The following RBFOX1 variants were observed in gnomAD, a reference collection of about 807,000 sequenced individuals.
RBFOX1 encodes the protein RNA binding protein fox-1 homolog 1.
In RBFOX1, 8 loss-of-function variants were observed where a neutral mutation model predicts 57.7. The ratio of observed to expected loss-of-function variants is 0.14; its 90% CI spans 0.08 to 0.25. The LOEUF (loss-of-function observed/expected upper bound fraction) is 0.25, where lower values mean the gene tolerates loss of function less well. Among genes scored for constraint, RBFOX1 ranks in the 10% least tolerant of loss-of-function variants. The pLI is 1.00. For synonymous variants in RBFOX1, 326 were observed against 222.4 expected (o/e 1.47, Z -4.15); for missense variants, 611 against 548.5 (o/e 1.11, Z -1.14).
At chr16:6,518,185 T>G (rs947940941) in intron 2 of RBFOX1, among the ~76,000 whole-genome samples, 5 of 152,242 alleles carry the variant, frequency 3.3e-5, no homozygotes, top group African/African-American at 1.2e-4. Context: ...TGTGGTTTGT[T>G]AAATAAACTT....
intron 4 of RBFOX1, among the ~76,000 whole-genome samples, chr16:7,324,739 A>G (rs1475466192): frequency 6.6e-6 from 1 of 152,054 alleles, no homozygotes; most frequent in East Asian, 1.9e-4. Context: ...CCTCACTTAC[A>G]AAACCTACTG....
At chr16:5,967,863 G>A (rs1320712447) in intron 4 of RBFOX1, among the ~76,000 whole-genome samples, 1 of 152,090 alleles carries the variant, frequency 6.6e-6, no homozygotes, top group Non-Finnish European at 1.5e-5. Context: ...TTTTGCTTTG[G>A]GGACTGGCTG....
intron 4 of RBFOX1, among the ~76,000 whole-genome samples, chr16:7,446,355 G>C (rs569056315): frequency 2.1e-4 from 32 of 152,130 alleles, no homozygotes; most frequent in Non-Finnish European, 4.0e-4. Context: ...AAAATGGTGT[G>C]AATCTAATTT....
chr16:6,763,155 C>G (rs1039395600), intron 3 of RBFOX1, among the ~76,000 whole-genome samples: 1 of 152,128 alleles, frequency 6.6e-6, no homozygotes, highest in African/African-American at 2.4e-5. Flanking sequence ...CAGAAACTGC[C>G]CAATTTATCT....
intron 3 of RBFOX1, among the ~76,000 whole-genome samples, chr16:6,769,636 G>A (rs571964331): frequency 3.9e-5 from 6 of 152,268 alleles, no homozygotes; most frequent in Admixed American, 2.0e-4. Flanking sequence ...GATGACTGTT[G>A]GCTCTAATGT....
chr16:6,256,171 G>GTATATATATGTATATATATGTATA (rs2097661438), intron 1 of RBFOX1, among the ~76,000 whole-genome samples: 1 of 7,640 alleles, frequency 1.3e-4, no homozygotes, highest in African/African-American at 2.6e-4. Context: ...ATATATATAT[G>GTATATATATGTATATATATGTATA]TATATATATA....
chr16:5,901,514 G>T (rs1394034021), intron 4 of RBFOX1, among the ~76,000 whole-genome samples: 2 of 152,064 alleles, frequency 1.3e-5, no homozygotes, highest in African/African-American at 4.8e-5. Context: ...AGCCAATATG[G>T]TAGCCACTCA....
At chr16:6,117,945 G>A (rs2343549) in intron 1 of RBFOX1, among the ~76,000 whole-genome samples, 52,534 of 151,968 alleles carry the variant, frequency 0.35, 9,933 homozygotes, top group Non-Finnish European at 0.43. Context: ...GTGATAAAGC[G>A]AAATATTTCT....
At chr16:7,037,140 G>C (rs756585070) in intron 3 of RBFOX1, among the ~76,000 whole-genome samples, 4 of 149,500 alleles carry the variant, frequency 2.7e-5, no homozygotes, top group African/African-American at 9.9e-5. Context: ...CTTACGACCT[G>C]TATCTTGTCT....
chr16:7,350,280 G>C (rs902228263), intron 4 of RBFOX1, among the ~76,000 whole-genome samples: 1 of 152,160 alleles, frequency 6.6e-6, no homozygotes, highest in Non-Finnish European at 1.5e-5. Context: ...ATGGGAAAGA[G>C]GTCTAAGGGG....
At chr16:5,828,574 C>A (rs2056156931) in intron 3 of RBFOX1, among the ~76,000 whole-genome samples, 1 of 152,128 alleles carries the variant, frequency 6.6e-6, no homozygotes, top group African/African-American at 2.4e-5. Context: ...TGGTGCACGC[C>A]TGTAGTCCCA....
chr16:6,829,246 G>GAA (rs60363543), intron 3 of RBFOX1, among the ~76,000 whole-genome samples: 1 of 141,532 alleles, frequency 7.1e-6, no homozygotes, highest in African/African-American at 2.6e-5. Flanking sequence ...AATGCAGTCA[G>GAA]AAAAAAAAAA....
intron 4 of RBFOX1, among the ~76,000 whole-genome samples, chr16:7,067,605 T>A (rs955446598): frequency 1.3e-4 from 20 of 152,150 alleles, no homozygotes; most frequent in Admixed American, 3.9e-4. Context: ...TACGTATGTA[T>A]ACATGTGCCA....
At chr16:6,392,954 C>A (rs191717405) in intron 2 of RBFOX1, among the ~76,000 whole-genome samples, 1 of 152,262 alleles carries the variant, frequency 6.6e-6, no homozygotes, top group East Asian at 1.9e-4. Flanking sequence ...GGACTGAAGT[C>A]TTTCATAATT....
At chr16:6,384,297 A>G (rs898234308) in intron 2 of RBFOX1, among the ~76,000 whole-genome samples, 1 of 152,158 alleles carries the variant, frequency 6.6e-6, no homozygotes, top group Admixed American at 6.5e-5. Flanking sequence ...TTTGAATCCA[A>G]TCATCATCTT....
intron 1 of RBFOX1, among the ~76,000 whole-genome samples, chr16:6,278,921 G>A (rs17219976): frequency 0.14 from 20,640 of 151,966 alleles, 1,515 homozygotes; most frequent in Non-Finnish European, 0.15. Flanking sequence ...TCACCAAGAA[G>A]GTTGAGATAT....
chr16:7,580,770 A>C (rs1380778051), intron 6 of RBFOX1, among the ~76,000 whole-genome samples: 1 of 152,232 alleles, frequency 6.6e-6, no homozygotes, highest in African/African-American at 2.4e-5. Context: ...CAAAGCTGTG[A>C]CAGGGCTTGG....
intron 4 of RBFOX1, among the ~76,000 whole-genome samples, chr16:7,425,491 T>C (rs1463948927): frequency 1.3e-5 from 2 of 152,210 alleles, no homozygotes; most frequent in Non-Finnish European, 2.9e-5. Context: ...AAAATTACAT[T>C]TATATCAGGA....
intron 1 of RBFOX1, among the ~76,000 whole-genome samples, chr16:5,438,664 C>G (rs199890889): frequency 2.0e-5 from 3 of 152,134 alleles, no homozygotes; most frequent in Admixed American, 6.6e-5. Context: ...CAATTGCACC[C>G]TCTTATGGGA....
Sources: allele counts gnomAD v4.1 joint callset (sites outside exome capture counted in the v4.1 genomes callset), GRCh38; gene constraint gnomAD v4.1.1; transcripts MANE v1.5; gene names NCBI Gene and HGNC (gene_info 2026-07-23, HGNC 2026-07-21).